The following NEGR1 variants were observed in gnomAD, a reference collection of about 807,000 sequenced individuals.
The protein encoded by NEGR1 is IgLON family member 4.
A neutral mutation model predicts 40.9 loss-of-function variants in NEGR1; 10 were observed. The observed-to-expected ratio is 0.24, with a 90% CI of 0.15 to 0.42. NEGR1 has a LOEUF of 0.42. NEGR1 is among the 10% of genes least tolerant of loss of function. The pLI, the probability that NEGR1 is intolerant of heterozygous loss-of-function variation, is 1.00. For synonymous variants in NEGR1, 185 were observed against 166.8 expected (o/e 1.11, Z -0.84); for missense variants, 352 against 438.9 (o/e 0.80, Z 1.77).
chr1:72,269,040 TAA>T (rs1209444129), intron 1 of NEGR1, among the ~76,000 whole-genome samples: 1 of 151,592 alleles, frequency 6.6e-6, no homozygotes, highest in Non-Finnish European at 1.5e-5. Context: ...AAGCACATTT[TAA>T]AAGATTCTTA....
intron 2 of NEGR1, among the ~76,000 whole-genome samples, chr1:71,932,133 A>ATC (rs1557441547): frequency 6.6e-6 from 1 of 152,168 alleles, no homozygotes; most frequent in African/African-American, 2.4e-5. Context: ...GAGAAATGAA[A>ATC]TGTACTTGTG....
chr1:71,957,408 G>T (rs1297055917), intron 1 of NEGR1, among the ~76,000 whole-genome samples: 1 of 152,086 alleles, frequency 6.6e-6, no homozygotes, highest in Non-Finnish European at 1.5e-5. Flanking sequence ...TTGAGGCAGA[G>T]AGCTAGTCAT....
At chr1:72,164,384 C>T (rs930789945) in intron 1 of NEGR1, among the ~76,000 whole-genome samples, 3 of 151,894 alleles carry the variant, frequency 2.0e-5, no homozygotes, top group African/African-American at 7.2e-5. Flanking sequence ...TAGCAAGTCT[C>T]TACCTGCTCT....
intron 4 of NEGR1, among the ~76,000 whole-genome samples, chr1:71,660,152 A>G (rs1570164316): frequency 6.6e-6 from 1 of 152,244 alleles, no homozygotes; most frequent in South Asian, 2.1e-4. Flanking sequence ...TCATAAAAAA[A>G]GAACGAGATC....
intron 3 of NEGR1, among the ~76,000 whole-genome samples, chr1:71,739,727 T>C (rs1281625745): frequency 1.3e-5 from 2 of 152,182 alleles, no homozygotes; most frequent in Non-Finnish European, 2.9e-5. Flanking sequence ...CCTACACTGG[T>C]AAAACAAACA....
At chr1:71,629,769 G>C (rs1650913255) in intron 4 of NEGR1, among the ~76,000 whole-genome samples, 1 of 151,854 alleles carries the variant, frequency 6.6e-6, no homozygotes, top group South Asian at 2.1e-4. Flanking sequence ...AATGTCTCAG[G>C]ATACAAAATC....
intron 6 of NEGR1, among the ~76,000 whole-genome samples, chr1:71,563,295 A>G (rs1422652291): frequency 1.3e-5 from 2 of 151,980 alleles, no homozygotes; most frequent in Non-Finnish European, 2.9e-5. Context: ...TTTGCTTGTA[A>G]GCTGGCAGAT....
At chr1:71,408,393 A>G (rs1013632197) in intron 6 of NEGR1, among the ~76,000 whole-genome samples, 2 of 152,016 alleles carry the variant, frequency 1.3e-5, no homozygotes, top group African/African-American at 4.8e-5. Flanking sequence ...AAGAATTTGG[A>G]GAGTTGAATG....
At chr1:71,863,893 T>G (rs1159120398) in intron 2 of NEGR1, among the ~76,000 whole-genome samples, 1 of 152,146 alleles carries the variant, frequency 6.6e-6, no homozygotes, top group Non-Finnish European at 1.5e-5. Context: ...TCACTAGGTG[T>G]TAATTAGTTT....
Position 72,196,532 on chromosome 1 carries a change from G to T in NEGR1, c.176+85787C>A, listed in dbSNP as rs562196682. The stretch of plus-strand genomic sequence containing the variant: ...TGCCTATAATCCCAGCACTTTGGGA[G>T]TCCGAGGCAGGCAGATCACCTGAGG... On this transcript the variant is annotated intron_variant, in intron 1 of 6. Transcript: ENST00000357731. Among the ~76,000 whole-genome samples the T allele has an allele frequency of 2.4e-4, 36 of 152,216 alleles. No homozygotes were observed. In the South Asian group the frequency reaches 6.8e-3, roughly 29 times the overall value.
chr1:71,597,600 T>A (rs1165857707), intron 5 of NEGR1, among the ~76,000 whole-genome samples: 2 of 151,428 alleles, frequency 1.3e-5, no homozygotes, highest in African/African-American at 4.9e-5. Context: ...CATTTATGAC[T>A]GAAGTAATCT....
At chr1:72,021,123 T>G (rs1646752501) in intron 1 of NEGR1, among the ~76,000 whole-genome samples, 1 of 152,060 alleles carries the variant, frequency 6.6e-6, no homozygotes, top group African/African-American at 2.4e-5. Flanking sequence ...AAAAATAAAA[T>G]ATTACATTTT....
intron 2 of NEGR1, among the ~76,000 whole-genome samples, chr1:71,784,657 T>G (rs1477899344): frequency 1.3e-5 from 2 of 152,322 alleles, no homozygotes; most frequent in Non-Finnish European, 2.9e-5. Flanking sequence ...GAAACTAAAG[T>G]GGAAATTACT....
chr1:72,233,833 T>C (rs1448091249), intron 1 of NEGR1, among the ~76,000 whole-genome samples: 1 of 152,102 alleles, frequency 6.6e-6, no homozygotes, highest in Non-Finnish European at 1.5e-5. Context: ...CTGGGCTAAA[T>C]GGTATTTCTG....
intron 1 of NEGR1, among the ~76,000 whole-genome samples, chr1:72,021,807 G>A (rs1013320364): frequency 7.9e-5 from 12 of 152,234 alleles, no homozygotes; most frequent in African/African-American, 2.6e-4. Context: ...GTCACTTGGC[G>A]AATTGATAAT....
chr1:72,277,419 T>G (rs1656093987), intron 1 of NEGR1, among the ~76,000 whole-genome samples: 1 of 152,210 alleles, frequency 6.6e-6, no homozygotes, highest in African/African-American at 2.4e-5. Context: ...AAGTAGTGCA[T>G]TAACACGCTT....
intron 1 of NEGR1, among the ~76,000 whole-genome samples, chr1:72,003,913 T>C (rs1168731871): frequency 6.6e-6 from 1 of 152,158 alleles, no homozygotes; most frequent in Non-Finnish European, 1.5e-5. Flanking sequence ...TTCATTTGCA[T>C]GAGCCATTTT....
At chr1:71,422,985 A>G (rs910968423) in intron 6 of NEGR1, 1 of 152,184 alleles carries the variant, frequency 6.6e-6, no homozygotes, top group East Asian at 1.9e-4. Context: ...TACGTATTGC[A>G]CAACTGAATT....
chr1:72,066,366 T>A (rs1208769793), intron 1 of NEGR1, among the ~76,000 whole-genome samples: 1 of 152,102 alleles, frequency 6.6e-6, no homozygotes, highest in African/African-American at 2.4e-5. Flanking sequence ...TAAAATAAAG[T>A]CTAAATATAC....
Sources: allele counts gnomAD v4.1 joint callset (sites outside exome capture counted in the v4.1 genomes callset), GRCh38; gene constraint gnomAD v4.1.1; transcripts MANE v1.5; gene names NCBI Gene and HGNC (gene_info 2026-07-23, HGNC 2026-07-21).